The following HMGB1 variants were observed in gnomAD, a reference collection of about 807,000 sequenced individuals.
The protein encoded by HMGB1 is high mobility group protein B1.
For synonymous variants in HMGB1, 81 were observed against 84.0 expected, an observed-to-expected ratio of 0.96 and a Z score of 0.19; for missense variants, 79 against 253.5, an observed-to-expected ratio of 0.31 and a Z score of 4.67.
chr13:30,538,510 C>CTTTATTTCTTTCTTT (rs1164550479), intron 1 of HMGB1, among the ~76,000 whole-genome samples: 13 of 82,228 alleles, frequency 1.6e-4, no homozygotes, highest in African/African-American at 1.0e-3. Context: ...TTCTTTCTTT[C>CTTTATTTCTTTCTTT]CTTTCTTTCT....
Position 30,559,045 on chromosome 13 carries a change from C to T in HMGB1, c.-15+57626G>A, listed in dbSNP as rs1869821224. 1.3e-5 allele frequency among the ~76,000 whole-genome samples: 2 copies of T among 152,158 alleles called. No individual in the cohort carries two copies. Among genetic ancestry groups the T allele is most frequent in the Non-Finnish European group, 2.9e-5 (2 of 68,028 alleles). ...ATGAATAAATGATCTGTACACTTTT[C>T]CAGAAAGCTCTGAATCTATAGTTAC... On this transcript the variant is annotated intron_variant, in intron 1 of 4. Coordinates refer to the HMGB1 transcript ENST00000405805. The surrounding 1 kb of genome is among the most constrained non-coding windows in gnomAD (Gnocchi z 6.6).
At chr13:30,554,772 C>G (rs1167103220) in intron 1 of HMGB1, 7 of 767,338 alleles carry the variant, frequency 9.1e-6, no homozygotes, top group Non-Finnish European at 1.7e-5. Context: ...GAAACAGAGG[C>G]TAAATGAGAA....
chr13:30,462,449 C>T (rs763784125), intron 4 of HMGB1, 89 bp downstream of exon 4: 21 of 988,680 alleles, frequency 2.1e-5, no homozygotes, highest in Non-Finnish European at 3.4e-5. Context: ...GTAGCTGTTA[C>T]CCTAAAAACT....
At chr13:30,495,884 AC>A (rs1462749644) in intron 1 of HMGB1, among the ~76,000 whole-genome samples, 2 of 152,070 alleles carry the variant, frequency 1.3e-5, no homozygotes, top group African/African-American at 4.8e-5. Flanking sequence ...TGGTTCCCAG[AC>A]CCTAGCTGCT....
intron 1 of HMGB1, among the ~76,000 whole-genome samples, chr13:30,597,797 A>G (rs1007481767): frequency 6.6e-6 from 1 of 152,132 alleles, no homozygotes; most frequent in Admixed American, 6.5e-5. Flanking sequence ...CCCTCATCCC[A>G]ACGGACTACA....
At chr13:30,615,431 C>CAGCA (rs1398719329) in intron 1 of HMGB1, among the ~76,000 whole-genome samples, 1 of 152,164 alleles carries the variant, frequency 6.6e-6, no homozygotes, top group East Asian at 1.9e-4. Flanking sequence ...GGGCCAAGGG[C>CAGCA]AGCACCCCAT....
intron 1 of HMGB1, among the ~76,000 whole-genome samples, chr13:30,505,369 AG>A (rs1269149505): frequency 1.3e-5 from 2 of 151,768 alleles, no homozygotes; most frequent in South Asian, 2.1e-4. Flanking sequence ...TAGTAGAGAC[AG>A]GGTTTCACCG....
chr13:30,499,865 T>C (rs138855104), intron 1 of HMGB1, among the ~76,000 whole-genome samples: 169 of 152,344 alleles, frequency 1.1e-3, no homozygotes, highest in African/African-American at 3.8e-3. Context: ...TTGGTTAAAG[T>C]GAATCTGAAG....
intron 1 of HMGB1, among the ~76,000 whole-genome samples, chr13:30,505,974 C>T (rs142610677): frequency 8.0e-4 from 121 of 151,444 alleles, no homozygotes; most frequent in Non-Finnish European, 8.1e-4. Context: ...ATCAGCCTGC[C>T]TCTCGGCCTC....
At chr13:30,597,626 T>G (rs1362387633) in intron 1 of HMGB1, among the ~76,000 whole-genome samples, 1 of 152,218 alleles carries the variant, frequency 6.6e-6, no homozygotes, top group South Asian at 2.1e-4. Flanking sequence ...AGCCTGTCAG[T>G]TGAAGATACA....
At chr13:30,579,631 C>G (rs150119525) in intron 1 of HMGB1, among the ~76,000 whole-genome samples, 1 of 152,144 alleles carries the variant, frequency 6.6e-6, no homozygotes, top group African/African-American at 2.4e-5. Flanking sequence ...AGTTTCCTCA[C>G]TAAAGTCACC....
chr13:30,502,950 G>A (rs1210480201), intron 1 of HMGB1, among the ~76,000 whole-genome samples: 1 of 152,078 alleles, frequency 6.6e-6, no homozygotes, highest in Non-Finnish European at 1.5e-5. Flanking sequence ...GATTGCAGGC[G>A]TGAGCCATGG....
intron 1 of HMGB1, among the ~76,000 whole-genome samples, chr13:30,545,591 G>A (rs1385029917): frequency 2.0e-5 from 3 of 151,934 alleles, no homozygotes; most frequent in South Asian, 2.1e-4. Flanking sequence ...CTAGAGCTTC[G>A]CTGTCCAATA....
chr13:30,574,799 T>C (rs1262875800), intron 1 of HMGB1, among the ~76,000 whole-genome samples: 3 of 152,224 alleles, frequency 2.0e-5, no homozygotes, highest in East Asian at 1.9e-4. Flanking sequence ...TATAGTCATA[T>C]GTGGAAATTC....
At chr13:30,533,866 C>CTT (rs398056244) in intron 1 of HMGB1, among the ~76,000 whole-genome samples, 14,599 of 142,740 alleles carry the variant, frequency 0.1, 868 homozygotes, top group Middle Eastern at 0.18. Flanking sequence ...TAAAGACTAT[C>CTT]TTTTTTTTTT....
At chr13:30,492,634 T>A (rs759353908) in intron 1 of HMGB1, among the ~76,000 whole-genome samples, 2 of 152,178 alleles carry the variant, frequency 1.3e-5, no homozygotes, top group Non-Finnish European at 2.9e-5. Context: ...TTGGTGAAGA[T>A]GTACAACTGC....
intron 1 of HMGB1, among the ~76,000 whole-genome samples, chr13:30,552,672 ATAC>A (rs1869483594): frequency 6.6e-6 from 1 of 152,200 alleles, no homozygotes. Context: ...ATCACTTCAT[ATAC>A]TACCCAGCAT....
intron 1 of HMGB1, among the ~76,000 whole-genome samples, chr13:30,556,829 A>G (rs1017842652): frequency 6.6e-6 from 1 of 152,260 alleles, no homozygotes; most frequent in Non-Finnish European, 1.5e-5. Context: ...CTAGTGTTCG[A>G]CAGCACTGTA....
chr13:30,553,327 G>A (rs1388114105), intron 1 of HMGB1, among the ~76,000 whole-genome samples: 5 of 152,146 alleles, frequency 3.3e-5, no homozygotes, highest in African/African-American at 9.7e-5. Context: ...GGAGAGCCCA[G>A]ACTAAGACAA....
Sources: allele counts gnomAD v4.1 joint callset (sites outside exome capture counted in the v4.1 genomes callset), GRCh38; gene constraint gnomAD v4.1.1; non-coding constraint Gnocchi (gnomAD v3.1); transcripts MANE v1.5; gene names NCBI Gene and HGNC (gene_info 2026-07-23, HGNC 2026-07-21).